Variants in MYO16 observed in about 807,000 individuals in gnomAD.
MYO16 encodes myosin XVI, also known as unconventional myosin-XVI.
Under a neutral mutation model 205.3 loss-of-function variants are expected in MYO16, and 94 were observed. The observed-to-expected ratio is 0.46, with a 90% CI of 0.39 to 0.54. MYO16 has a LOEUF of 0.54. Among genes scored for constraint, MYO16 ranks in the 20% least tolerant of loss-of-function variants. The pLI, the probability that MYO16 is intolerant of heterozygous loss-of-function variation, is 0.00. For synonymous variants in MYO16, 988 were observed against 954.0 expected (o/e 1.04, Z -0.66); for missense variants, 2,315 against 2,387.5 (o/e 0.97, Z 0.63).
chr13:109,036,040 T>C (rs1483878891), intron 23 of MYO16, among the ~76,000 whole-genome samples: 1 of 152,198 alleles, frequency 6.6e-6, no homozygotes, highest in Non-Finnish European at 1.5e-5. Context: ...TAGTAGGTGC[T>C]CACATTTCAC....
At chr13:108,671,186 A>C (rs1456385711) in intron 2 of MYO16, among the ~76,000 whole-genome samples, 2 of 152,178 alleles carry the variant, frequency 1.3e-5, no homozygotes, top group Admixed American at 1.3e-4. Flanking sequence ...ACTGGATAGA[A>C]AAGTCTCACA....
intron 6 of MYO16, among the ~76,000 whole-genome samples, chr13:108,798,807 G>A (rs538599728): frequency 2.9e-4 from 39 of 135,450 alleles, no homozygotes; most frequent in Non-Finnish European, 5.5e-4. Flanking sequence ...CCGGGTTCAC[G>A]CCATTCTCCT....
At chr13:108,941,692 A>T (rs1882731349) in intron 16 of MYO16, among the ~76,000 whole-genome samples, 1 of 151,528 alleles carries the variant, frequency 6.6e-6, no homozygotes. Context: ...AAAAAAAAAA[A>T]AAAGGTAAAA....
the MYO16 span, among the ~76,000 whole-genome samples, chr13:108,528,337 A>G: frequency 6.6e-6 from 1 of 152,130 alleles, no homozygotes; most frequent in South Asian, 2.1e-4. Context: ...ACTTAGGGCT[A>G]TTTATCTGGC....
At position 108,844,435 on chromosome 13, in the gene MYO16, A is replaced by G; in HGVS notation, c.1190A>G (p.Gln397Arg). 6.2e-7 allele frequency: 1 copy of G among 1,613,380 alleles called. No homozygotes were observed. The highest frequency in any genetic ancestry group is 8.5e-7 in the Non-Finnish European group (1 of 1,179,400). ...KDATKGLCKQ[Q>R]SQDSIPENPM... ...GCAACAAAAGGTCTGTGTAAGCAGC[A>G]GTCTCAGGACAGCATCCCTGAAAAC... The change falls in exon 10 of 35, where the codon CAG becomes CGG. Residue 397 changes from glutamine to arginine, a missense_variant. Physicochemically the swap from Gln to Arg is conservative, Grantham distance 43. Around this residue, in one of 3 missense-constraint regions of MYO16, gnomAD observed 1,213 missense variants for 1,274.4 expected, o/e 0.95. Coordinates refer to ENST00000457511, the MANE Select transcript of MYO16 (RefSeq NM_001198950.3).
chr13:108,703,880 G>A (rs1883401445), intron 2 of MYO16, among the ~76,000 whole-genome samples: 1 of 152,076 alleles, frequency 6.6e-6, no homozygotes, highest in South Asian at 2.1e-4. Flanking sequence ...CTGTATTTGG[G>A]AACAGGGCAT....
chr13:109,195,339 A>T (rs1438987455), intron 34 of MYO16, among the ~76,000 whole-genome samples: 1 of 152,162 alleles, frequency 6.6e-6, no homozygotes, highest in African/African-American at 2.4e-5. Context: ...TATATAAATG[A>T]ATATTTCTGA....
chr13:108,669,177 G>C (rs936626358), intron 2 of MYO16, among the ~76,000 whole-genome samples: 1 of 151,936 alleles, frequency 6.6e-6, no homozygotes, highest in Non-Finnish European at 1.5e-5. Flanking sequence ...GTGAAATGAG[G>C]TCCAATCACA....
At chr13:109,119,794 T>C (rs753152598) in intron 28 of MYO16, among the ~76,000 whole-genome samples, 1 of 152,232 alleles carries the variant, frequency 6.6e-6, no homozygotes, top group Admixed American at 6.5e-5. Flanking sequence ...ATCCAGAAGA[T>C]TGTTGCTCAA....
rs547710165 is a variant in MYO16, at chr13:109,190,339, C to A, written c.5415+10706C>A. ...TGTTCCACACTTTTTGCAACATAGG[C>A]CATGCTTCTGCTTCCTCCTAACACT... On this transcript the variant is annotated intron_variant, in intron 34 of 34. Transcript: ENST00000457511. Among the ~76,000 whole-genome samples, 166 of 152,258 alleles carry A rather than the reference C, an allele frequency of 1.1e-3. 1 individual carries two copies. Among genetic ancestry groups the A allele is most frequent in the Non-Finnish European group, 2.1e-3 (146 of 68,024 alleles).
At chr13:108,539,870 C>A in the MYO16 span, among the ~76,000 whole-genome samples, 2 of 152,188 alleles carry the variant, frequency 1.3e-5, no homozygotes, top group Non-Finnish European at 2.9e-5. Context: ...GGAGGAAATG[C>A]ACTTCTCTTT....
chr13:109,067,146 C>A (rs80051535), intron 27 of MYO16, among the ~76,000 whole-genome samples: 2,637 of 152,290 alleles, frequency 0.017, 68 homozygotes, highest in African/African-American at 0.06. Context: ...GGGAGTCGGA[C>A]TCCACACTCT....
At chr13:109,198,241 A>AATT (rs1274026228) in intron 34 of MYO16, among the ~76,000 whole-genome samples, 2 of 152,216 alleles carry the variant, frequency 1.3e-5, no homozygotes, top group African/African-American at 4.8e-5. Flanking sequence ...TACAAAGTAC[A>AATT]ATTACTTTAA....
chr13:108,834,212 G>A (rs1308246911), intron 9 of MYO16, among the ~76,000 whole-genome samples: 1 of 152,112 alleles, frequency 6.6e-6, no homozygotes, highest in African/African-American at 2.4e-5. Context: ...GGGTGAGCTA[G>A]GGGGAAAGTA....
chr13:108,527,017 A>G, the MYO16 span, among the ~76,000 whole-genome samples: 1 of 152,216 alleles, frequency 6.6e-6, no homozygotes, highest in Non-Finnish European at 1.5e-5. Context: ...AAGTCATTAA[A>G]TTTGGATGAA....
At chr13:108,790,180 A>G (rs558498300) in intron 5 of MYO16, among the ~76,000 whole-genome samples, 2 of 152,312 alleles carry the variant, frequency 1.3e-5, no homozygotes, top group East Asian at 3.9e-4. Flanking sequence ...CCATCACAAT[A>G]GCGGCAAAGA....
At chr13:108,820,449 C>T (rs1875906727) in intron 8 of MYO16, 37 bp downstream of exon 8, 1 of 1,512,196 alleles carries the variant, frequency 6.6e-7, no homozygotes, top group Non-Finnish European at 9.1e-7. Context: ...TGAGCAGGTA[C>T]TGTTTTCTTC....
At chr13:108,626,842 T>A (rs1273359510), upstream of MYO16, among the ~76,000 whole-genome samples, 1 of 147,514 alleles carries the variant, frequency 6.8e-6, no homozygotes, top group Non-Finnish European at 1.5e-5. Context: ...TATATATGTG[T>A]GTGTATATAT....
chr13:108,770,859 A>G (rs1047106416), intron 4 of MYO16, among the ~76,000 whole-genome samples: 1 of 152,208 alleles, frequency 6.6e-6, no homozygotes, highest in Non-Finnish European at 1.5e-5. Context: ...CAACAAGTCT[A>G]GGTCATCCAC....
Sources: gnomAD v4.1 joint callset for allele counts (sites outside exome capture counted in the v4.1 genomes callset) on GRCh38, gnomAD v4.1.1 for gene constraint, gnomAD v4.1.1 regional missense constraint, MANE v1.5 for transcripts, NCBI Gene and HGNC (gene_info 2026-07-23, HGNC 2026-07-21) for gene names.